The following GSTM4 variants were observed in gnomAD, a reference collection of about 807,000 sequenced individuals.
GSTM4 encodes the protein glutathione S-transferase mu 4, also known as GST class-mu 4.
Under a neutral mutation model 30.1 loss-of-function variants are expected in GSTM4, and 27 were observed. The observed-to-expected ratio is 0.90, with a 90% CI of 0.66 to 1.24. The LOEUF is 1.24. Ranked by LOEUF, GSTM4 falls within the 50% of genes most tolerant of loss-of-function variation. The probability of loss-of-function intolerance (pLI) is 0.00; values close to 1 mark genes in which losing one functional copy is unlikely to be tolerated. For missense variants in GSTM4, 238 were observed against 272.1 expected, an observed-to-expected ratio of 0.87 and a Z score of 0.88; for synonymous variants, 94 against 96.2, an observed-to-expected ratio of 0.98 and a Z score of 0.13.
At chr1:109,656,985 T>C (rs751340924) in intron 2 of GSTM4, 198 bp downstream of exon 2, 3 of 779,468 alleles carry the variant, frequency 3.8e-6, no homozygotes, top group Non-Finnish European at 6.8e-6. Context: ...CCCTGTTTAA[T>C]TGGGTTGGGT....
chr1:109,663,804 T>G (rs901775392), downstream of GSTM4, among the ~76,000 whole-genome samples: 13 of 152,254 alleles, frequency 8.5e-5, no homozygotes, highest in Admixed American at 4.6e-4. Context: ...GTCAACGTCC[T>G]CAGGACATGT....
chr1:109,658,620 C>T (rs1401125836), intron 5 of GSTM4, 194 bp from the exon 6 acceptor site: 5 of 608,102 alleles, frequency 8.2e-6, no homozygotes, highest in Admixed American at 2.9e-5. Flanking sequence ...TCTCTGCCTT[C>T]CCATCACCAC....
Position 109,658,797 on chromosome 1 carries a change from G to A in GSTM4, c.361-17G>A. On this transcript the variant is annotated splice_polypyrimidine_tract_variant and intron_variant, in intron 5 of 7. Coordinates refer to ENST00000369836, the MANE Select transcript of GSTM4 (RefSeq NM_000850.5). ...GAGCTTGTGTCTGAGGGTGGTGACA[G>A]CTGTTTTCTGCCTCAGGAGAAACTG... 1 of 1,582,120 alleles carries A rather than the reference G, an allele frequency of 6.3e-7. No individual in the cohort carries two copies. The highest frequency in any genetic ancestry group is 1.1e-5 in the South Asian group (1 of 90,388).
chr1:109,667,251 G>A (rs1264626308), downstream of GSTM4, among the ~76,000 whole-genome samples: 1 of 150,808 alleles, frequency 6.6e-6, no homozygotes, highest in Non-Finnish European at 1.5e-5. Flanking sequence ...AGTCCTTTTT[G>A]ATGGAACATT....
At position 109,657,815 on chromosome 1, in the gene GSTM4, G is replaced by T. The variant is rs1489209729; in HGVS notation, c.303G>T (p.Glu101Asp). ...AGAAGATTCGTGTGGACATTTTGGA[G>T]AACCAGGCTATGGACGTCTCCAATC... ...EEEKIRVDIL[E>D]NQAMDVSNQL... The change falls in exon 5 of 8, where the codon GAG (glutamate) becomes GAT (aspartate). Residue 101 changes from glutamate to aspartate, a missense_variant. Transcript: ENST00000369836. 6.2e-7 allele frequency: 1 copy of T among 1,614,154 alleles called. No individual in the cohort carries two copies. The highest frequency in any genetic ancestry group is 1.7e-5 in the Admixed American group (1 of 60,004).
rs1343263735 is a variant in GSTM4 at position 109,661,500 on chromosome 1, T to A, written c.*246T>A. The A allele has an allele frequency of 1.1e-5, 15 of 1,366,492 alleles. No homozygotes were observed. The highest frequency in any genetic ancestry group is 4.7e-6 in the Non-Finnish European group (5 of 1,054,052). 84.6% of individuals were successfully genotyped at this position (1,366,492 alleles called of 1,614,324 possible). ...AACATCCCCCTCCCAACACTACCCT[T>A]CCCTGCACTAAAGCCAGCCTGACCT... On this transcript the variant is annotated 3_prime_UTR_variant, in exon 8 of 8. Coordinates refer to ENST00000369836, the MANE Select transcript of GSTM4 (RefSeq NM_000850.5).
downstream of GSTM4, among the ~76,000 whole-genome samples, chr1:109,667,085 G>A (rs1280113044): frequency 2.0e-5 from 3 of 152,086 alleles, no homozygotes. Context: ...CTTCCCAGTG[G>A]TGACAATTAA....
At chr1:109,659,519 A>C (rs1557953185) in intron 7 of GSTM4, 1 of 645,058 alleles carries the variant, frequency 1.6e-6, no homozygotes, top group South Asian at 2.1e-5. Context: ...AGAGGCAGAG[A>C]ACTTTAGGAG....
chr1:109,656,555 T>TAA (rs1190982115), intron 1 of GSTM4, 130 bp downstream of exon 1: 18 of 318,494 alleles, frequency 5.7e-5, no homozygotes, highest in Admixed American at 1.1e-4. Context: ...CATGCCTGTG[T>TAA]GTGTGTGTGT....
At chr1:109,659,585 C>T (rs934068699) in intron 7 of GSTM4, 9 of 405,612 alleles carry the variant, frequency 2.2e-5, no homozygotes, top group East Asian at 1.7e-4. Context: ...ACGTCGAGTA[C>T]GAAACCCACA....
In GSTM4 at chr1:109,657,873, G is replaced by GT; in HGVS notation, c.360+2dup. 6.2e-7 allele frequency: 1 copy of GT among 1,613,506 alleles called. No individual in the cohort carries two copies. The highest frequency in any genetic ancestry group is 8.5e-7 in the Non-Finnish European group (1 of 1,179,414). On this transcript the variant is annotated splice_donor_variant, in intron 5 of 7. Coordinates refer to ENST00000369836, the MANE Select transcript of GSTM4 (RefSeq NM_000850.5). LOFTEE classifies it high-confidence loss of function. ...CAGAGTCTGCTACAGCCCTGACTTT[G>GT]TGAGTCCCTCCCTGGTCTGGACCAG... is the stretch of plus-strand genomic sequence containing the variant.
intron 7 of GSTM4, 54 bp from the exon 8 acceptor site, chr1:109,661,111 C>T (rs1652291382): frequency 1.2e-6 from 2 of 1,604,470 alleles, no homozygotes; most frequent in African/African-American, 1.3e-5. Context: ...GGGGTTGTCC[C>T]AGCCCTCATG....
chr1:109,666,909 G>A (rs1378212659), downstream of GSTM4, among the ~76,000 whole-genome samples: 2 of 152,040 alleles, frequency 1.3e-5, no homozygotes, highest in East Asian at 1.9e-4. Context: ...TGCATTTTTA[G>A]TACAGTCGGG....
chr1:109,665,779 G>C (rs190880852), downstream of GSTM4, among the ~76,000 whole-genome samples: 1 of 152,254 alleles, frequency 6.6e-6, no homozygotes, highest in East Asian at 1.9e-4. Flanking sequence ...CCCTGTTGAT[G>C]ATCATTATTT....
At chr1:109,660,842 G>A (rs1180344312) in intron 7 of GSTM4, 9 of 344,084 alleles carry the variant, frequency 2.6e-5, no homozygotes, top group Non-Finnish European at 2.7e-5. Flanking sequence ...CATGAGAAAT[G>A]GTGATAATAG....
chr1:109,659,473 A>C (rs916925300), intron 7 of GSTM4: 145 of 1,087,616 alleles, frequency 1.3e-4, no homozygotes, highest in Non-Finnish European at 1.7e-4. Context: ...CTCAGGCCTC[A>C]TCCAGCCTGG....
intron 3 of GSTM4, 150 bp downstream of exon 3, chr1:109,657,429 T>A (rs940783903): frequency 2.1e-6 from 3 of 1,424,976 alleles, no homozygotes; most frequent in Non-Finnish European, 3.0e-6. Flanking sequence ...CATGATGTTC[T>A]GTGTCCCAGC....
At chr1:109,662,863 C>T (rs1057473453), downstream of GSTM4, among the ~76,000 whole-genome samples, 7 of 152,172 alleles carry the variant, frequency 4.6e-5, no homozygotes, top group Non-Finnish European at 1.0e-4. Context: ...CCAGAAATCC[C>T]ACCCTATAGG....
chr1:109,657,765 G>T lies in GSTM4; in HGVS notation c.260-7G>T, dbSNP rs200929221. The T allele has an allele frequency of 6.2e-7, 1 of 1,614,166 alleles. No homozygotes were observed. The highest frequency in any genetic ancestry group is 2.2e-5 in the East Asian group (1 of 44,882). On this transcript the variant is annotated splice_polypyrimidine_tract_variant and splice_region_variant and intron_variant, in intron 4 of 7. Transcript: ENST00000369836. ...CTCAGAGTGAGTCTGTGTTTTGTGG[G>T]TGGCAGGTGGGGAGACAGAAGAGGA... is the stretch of plus-strand genomic sequence containing the variant.
Sources: gnomAD v4.1 joint callset for allele counts (sites outside exome capture counted in the v4.1 genomes callset) on GRCh38, gnomAD v4.1.1 for gene constraint, MANE v1.5 for transcripts, NCBI Gene and HGNC (gene_info 2026-07-23, HGNC 2026-07-21) for gene names.